ENTREP2: variants seen among roughly 807,000 people sequenced by gnomAD.
ENTREP2 encodes protein ENTREP2.
At chr15:29,463,549 C>T in the ENTREP2 span, among the ~76,000 whole-genome samples, 3 of 147,640 alleles carry the variant, frequency 2.0e-5, no homozygotes, top group Admixed American at 6.8e-5. Flanking sequence ...GAGAGAGAGA[C>T]GGAAGTAACC....
the ENTREP2 span, among the ~76,000 whole-genome samples, chr15:29,486,733 G>A: frequency 2.6e-5 from 4 of 152,008 alleles, no homozygotes; most frequent in African/African-American, 9.7e-5. Flanking sequence ...TGTCATTTAC[G>A]GCAACACAGA....
the ENTREP2 span, chr15:29,381,816 G>A: frequency 6.4e-7 from 1 of 1,551,624 alleles, no homozygotes. Context: ...ACACCTATGA[G>A]TCCCGACAGC....
At chr15:29,514,968 C>T in the ENTREP2 span, among the ~76,000 whole-genome samples, 5 of 152,204 alleles carry the variant, frequency 3.3e-5, no homozygotes, top group Admixed American at 3.3e-4. Flanking sequence ...CCAAGGGCCC[C>T]CCTGTCCTTA....
the ENTREP2 span, among the ~76,000 whole-genome samples, chr15:29,341,903 AT>A: frequency 6.6e-6 from 1 of 152,036 alleles, no homozygotes; most frequent in African/African-American, 2.4e-5. Context: ...GTGGAGGAAA[AT>A]TTTTTTAATT....
chr15:29,185,618 G>C, the ENTREP2 span, among the ~76,000 whole-genome samples: 1 of 152,136 alleles, frequency 6.6e-6, no homozygotes, highest in African/African-American at 2.4e-5. Flanking sequence ...CTGGAGTGCA[G>C]TGGTGTGATT....
chr15:29,268,724 C>T, the ENTREP2 span: 1 of 1,502,136 alleles, frequency 6.7e-7, no homozygotes, highest in African/African-American at 1.4e-5. Context: ...TCTCCCTTCC[C>T]CCAATCCTCT....
chr15:29,534,087 T>A, the ENTREP2 span, among the ~76,000 whole-genome samples: 1 of 112,402 alleles, frequency 8.9e-6, no homozygotes, highest in East Asian at 2.8e-4. Flanking sequence ...GTGGGTCACA[T>A]CTGCAAGTGC....
At chr15:29,498,771 C>T in the ENTREP2 span, among the ~76,000 whole-genome samples, 1 of 152,028 alleles carries the variant, frequency 6.6e-6, no homozygotes, top group Admixed American at 6.6e-5. Flanking sequence ...CTCATTATTA[C>T]TGTATTGCTG....
chr15:29,595,493 T>C, the ENTREP2 span, among the ~76,000 whole-genome samples: 1 of 152,154 alleles, frequency 6.6e-6, no homozygotes, highest in Non-Finnish European at 1.5e-5. Flanking sequence ...CTAATGTTCT[T>C]TTTGGGATCC....
At chr15:29,364,411 T>C in the ENTREP2 span, among the ~76,000 whole-genome samples, 23 of 152,178 alleles carry the variant, frequency 1.5e-4, no homozygotes, top group Non-Finnish European at 2.4e-4. Context: ...AAGAAGTAAG[T>C]GCAGCAGGCA....
At chr15:29,601,329 CCTTT>C in the ENTREP2 span, among the ~76,000 whole-genome samples, 348 of 152,248 alleles carry the variant, frequency 2.3e-3, 2 homozygotes, top group African/African-American at 8.0e-3. Flanking sequence ...TTGGCATACT[CCTTT>C]CTAAGTTTGC....
At chr15:29,589,511 T>C in the ENTREP2 span, among the ~76,000 whole-genome samples, 1 of 152,188 alleles carries the variant, frequency 6.6e-6, no homozygotes, top group African/African-American at 2.4e-5. Flanking sequence ...TCTTCATTCG[T>C]CACGGAGAAG....
At chr15:29,200,198 A>G in the ENTREP2 span, among the ~76,000 whole-genome samples, 1 of 151,374 alleles carries the variant, frequency 6.6e-6, no homozygotes, top group Non-Finnish European at 1.5e-5. Flanking sequence ...TTTTTTTGAG[A>G]CAGGTCTTGC....
At chr15:29,208,510 G>A in the ENTREP2 span, among the ~76,000 whole-genome samples, 1 of 152,180 alleles carries the variant, frequency 6.6e-6, no homozygotes, top group Non-Finnish European at 1.5e-5. Context: ...TCTGCAGGAA[G>A]CGACAGCTGA....
chr15:29,422,748 C>T, the ENTREP2 span, among the ~76,000 whole-genome samples: 5 of 152,172 alleles, frequency 3.3e-5, no homozygotes, highest in Non-Finnish European at 5.9e-5. Flanking sequence ...CAAGGACTCA[C>T]AAAGGTTTTG....
At chr15:29,521,217 GA>G in the ENTREP2 span, among the ~76,000 whole-genome samples, 3 of 152,158 alleles carry the variant, frequency 2.0e-5, no homozygotes, top group Non-Finnish European at 4.4e-5. Flanking sequence ...TGCCGAGGTG[GA>G]AAAATCCTGA....
the ENTREP2 span, chr15:29,137,110 C>G: frequency 1.4e-6 from 2 of 1,469,996 alleles, no homozygotes; most frequent in Non-Finnish European, 1.8e-6. Flanking sequence ...GGGATGAACT[C>G]GTCGAAATCC....
chr15:29,577,961 T>C, the ENTREP2 span, among the ~76,000 whole-genome samples: 1 of 152,114 alleles, frequency 6.6e-6, no homozygotes, highest in Non-Finnish European at 1.5e-5. Context: ...GTTTGGTGGG[T>C]ACAGTTTCAA....
chr15:29,312,495 A>C, the ENTREP2 span, among the ~76,000 whole-genome samples: 1 of 152,224 alleles, frequency 6.6e-6, no homozygotes, highest in Non-Finnish European at 1.5e-5. Context: ...GTCTATGAGC[A>C]ACATTTTTCC....
Sources: allele counts gnomAD v4.1 joint callset (sites outside exome capture counted in the v4.1 genomes callset), GRCh38; gene constraint gnomAD v4.1.1; transcripts MANE v1.5; gene names NCBI Gene and HGNC (gene_info 2026-07-23, HGNC 2026-07-21).